The following SSBP2 variants were observed in gnomAD, a reference collection of about 807,000 sequenced individuals.
SSBP2 encodes single-stranded DNA-binding protein 2.
In SSBP2, 17 loss-of-function variants were observed where a neutral mutation model predicts 61.8. That is an observed-to-expected ratio of 0.28 (90% confidence interval 0.19 to 0.41). SSBP2 has a LOEUF of 0.41. Ranked by LOEUF, SSBP2 falls within the 10% of genes least tolerant of loss-of-function variation. SSBP2 has a pLI of 1.00. For synonymous variants in SSBP2, 139 were observed against 141.3 expected, an observed-to-expected ratio of 0.98 and a Z score of 0.12; for missense variants, 310 against 458.7, an observed-to-expected ratio of 0.68 and a Z score of 2.96.
intron 3 of SSBP2, among the ~76,000 whole-genome samples, chr5:81,635,715 C>CT (rs1156522319): frequency 6.6e-6 from 1 of 151,946 alleles, no homozygotes; most frequent in Non-Finnish European, 1.5e-5. Context: ...TCCTGGGTAC[C>CT]TGGGACTACA....
intron 4 of SSBP2, among the ~76,000 whole-genome samples, chr5:81,589,664 A>G (rs917294940): frequency 1.3e-5 from 2 of 152,252 alleles, no homozygotes; most frequent in Non-Finnish European, 2.9e-5. Flanking sequence ...ATAATAAAAG[A>G]AGAGCTAACA....
chr5:81,514,960 T>G (rs978651900), intron 4 of SSBP2, among the ~76,000 whole-genome samples: 1 of 152,004 alleles, frequency 6.6e-6, no homozygotes, highest in Admixed American at 6.6e-5. Flanking sequence ...GAAATAGTAT[T>G]TCTTAGATTT....
intron 8 of SSBP2, among the ~76,000 whole-genome samples, chr5:81,473,133 C>T (rs1464639154): frequency 6.6e-6 from 1 of 152,150 alleles, no homozygotes; most frequent in Non-Finnish European, 1.5e-5. Flanking sequence ...GTCTGTAATG[C>T]ATATTCTCAT....
At chr5:81,484,761 A>G (rs1039447985) in intron 6 of SSBP2, among the ~76,000 whole-genome samples, 5 of 152,152 alleles carry the variant, frequency 3.3e-5, no homozygotes, top group Non-Finnish European at 5.9e-5. Flanking sequence ...TCAATATACC[A>G]TAATTTACTT....
intron 15 of SSBP2, among the ~76,000 whole-genome samples, chr5:81,431,265 T>A (rs1762265882): frequency 6.6e-6 from 1 of 152,206 alleles, no homozygotes; most frequent in Non-Finnish European, 1.5e-5. Flanking sequence ...TACTTTTAGA[T>A]ACATTAGGCC....
At chr5:81,672,318 G>A (rs996431914) in intron 1 of SSBP2, among the ~76,000 whole-genome samples, 4 of 151,516 alleles carry the variant, frequency 2.6e-5, no homozygotes, top group Admixed American at 2.6e-4. Flanking sequence ...GAAAACTGTT[G>A]GAACACAAAA....
At chr5:81,577,040 T>C (rs1320936260) in intron 4 of SSBP2, among the ~76,000 whole-genome samples, 7 of 152,212 alleles carry the variant, frequency 4.6e-5, no homozygotes, top group Middle Eastern at 3.4e-3. Flanking sequence ...GTTTCGTGCA[T>C]ATTATAGATG....
intron 4 of SSBP2, among the ~76,000 whole-genome samples, chr5:81,532,686 T>C (rs888290097): frequency 2.0e-5 from 3 of 151,886 alleles, no homozygotes; most frequent in Non-Finnish European, 4.4e-5. Context: ...AAATTTAATA[T>C]TAATGGCATA....
intron 1 of SSBP2, among the ~76,000 whole-genome samples, chr5:81,692,841 T>C (rs1222101505): frequency 1.3e-5 from 2 of 152,148 alleles, no homozygotes; most frequent in African/African-American, 4.8e-5. Context: ...TTTCTCACCA[T>C]ATATAAAAAC....
At chr5:81,676,738 T>A (rs1449906362) in intron 1 of SSBP2, among the ~76,000 whole-genome samples, 2 of 152,156 alleles carry the variant, frequency 1.3e-5, no homozygotes, top group Non-Finnish European at 2.9e-5. Context: ...TTATAGAAAT[T>A]ACGCAAATAA....
At chr5:81,654,753 G>A (rs1023277399) in intron 1 of SSBP2, among the ~76,000 whole-genome samples, 5 of 152,158 alleles carry the variant, frequency 3.3e-5, no homozygotes, top group Admixed American at 6.5e-5. Context: ...AAATGATTCC[G>A]GCAGAGGGGA....
intron 4 of SSBP2, among the ~76,000 whole-genome samples, chr5:81,572,641 T>C (rs763858105): frequency 1.3e-5 from 2 of 152,172 alleles, no homozygotes; most frequent in South Asian, 2.1e-4. Flanking sequence ...AAGAGGTATA[T>C]AGAAAAACCT....
chr5:81,687,218 C>T (rs186754360), intron 1 of SSBP2, among the ~76,000 whole-genome samples: 98 of 152,316 alleles, frequency 6.4e-4, no homozygotes, highest in Middle Eastern at 3.4e-3. Context: ...TGTGGGACTT[C>T]GCATTGGAAC....
chr5:81,640,943 T>G (rs916432027), intron 2 of SSBP2, among the ~76,000 whole-genome samples: 1 of 152,242 alleles, frequency 6.6e-6, no homozygotes, highest in Non-Finnish European at 1.5e-5. Context: ...CCTAATCATA[T>G]GACCAGCAAA....
chr5:81,496,687 T>C (rs1382194540), intron 5 of SSBP2, among the ~76,000 whole-genome samples: 1 of 151,680 alleles, frequency 6.6e-6, no homozygotes, highest in Non-Finnish European at 1.5e-5. Context: ...TTTAGAAACA[T>C]GTTCAAGAAG....
chr5:81,511,663 G>A (rs1768618158), intron 5 of SSBP2, among the ~76,000 whole-genome samples: 1 of 152,050 alleles, frequency 6.6e-6, no homozygotes, highest in African/African-American at 2.4e-5. Context: ...CTCCAACTCA[G>A]GCAGATTTAA....
chr5:81,612,898 T>A (rs1400325452), intron 4 of SSBP2, among the ~76,000 whole-genome samples: 1 of 152,076 alleles, frequency 6.6e-6, no homozygotes, highest in Non-Finnish European at 1.5e-5. Context: ...GTTTTCCATT[T>A]TCTTCCCCAA....
At chr5:81,637,768 A>C (rs1004403944) in intron 2 of SSBP2, among the ~76,000 whole-genome samples, 2 of 152,218 alleles carry the variant, frequency 1.3e-5, no homozygotes, top group African/African-American at 2.4e-5. Context: ...TACCCAAAGG[A>C]CTATAAATCA....
At chr5:81,697,808 C>T (rs1753696846) in intron 1 of SSBP2, among the ~76,000 whole-genome samples, 1 of 152,100 alleles carries the variant, frequency 6.6e-6, no homozygotes, top group South Asian at 2.1e-4. Flanking sequence ...GCTGTAAGTA[C>T]TAAGCCCCTA....
Sources: gnomAD v4.1 joint callset for allele counts (sites outside exome capture counted in the v4.1 genomes callset) on GRCh38, gnomAD v4.1.1 for gene constraint, MANE v1.5 for transcripts, NCBI Gene and HGNC (gene_info 2026-07-23, HGNC 2026-07-21) for gene names.